Variants in CTNNA3 observed in about 807,000 individuals in gnomAD.
The protein encoded by CTNNA3 is catenin alpha 3, also known as catenin alpha-3.
CTNNA3 carries 76 observed loss-of-function variants against 95.7 expected under a neutral mutation model. That is an observed-to-expected ratio of 0.79 (90% CI 0.66 to 0.96). CTNNA3 has a LOEUF of 0.96. Ranked by LOEUF, CTNNA3 falls within the 40% of genes least tolerant of loss-of-function variation. CTNNA3 has a pLI of 0.00. For missense variants in CTNNA3, 1,191 were observed against 1,089.8 expected (o/e 1.09, Z -1.31); for synonymous variants, 431 against 374.4 (o/e 1.15, Z -1.74).
At chr10:66,959,599 T>C (rs1216133959) in intron 7 of CTNNA3, among the ~76,000 whole-genome samples, 1 of 152,112 alleles carries the variant, frequency 6.6e-6, no homozygotes, top group South Asian at 2.1e-4. Context: ...CTGGTGAAAG[T>C]AGATGATTTC....
chr10:65,923,939 A>G (rs2077127061), intron 17 of CTNNA3, among the ~76,000 whole-genome samples: 1 of 152,134 alleles, frequency 6.6e-6, no homozygotes, highest in Non-Finnish European at 1.5e-5. Flanking sequence ...TGAAGGAGAT[A>G]CTCTAGGCCA....
chr10:66,267,162 G>A (rs764989615), intron 13 of CTNNA3, among the ~76,000 whole-genome samples: 5 of 151,924 alleles, frequency 3.3e-5, no homozygotes, highest in Admixed American at 6.6e-5. Flanking sequence ...TAGTAATTCC[G>A]TTCCTCTCGC....
chr10:67,712,615 G>A (rs1841118299), intron 1 of CTNNA3, among the ~76,000 whole-genome samples: 1 of 152,230 alleles, frequency 6.6e-6, no homozygotes, highest in Non-Finnish European at 1.5e-5. Context: ...CTTCCACATG[G>A]TGTTGAGCCT....
chr10:66,736,553 C>T (rs1487409640), intron 9 of CTNNA3, among the ~76,000 whole-genome samples: 1 of 151,934 alleles, frequency 6.6e-6, no homozygotes, highest in African/African-American at 2.4e-5. Context: ...TCTTTATGCT[C>T]CATCTTACCT....
chr10:67,151,165 G>T (rs959190474), intron 7 of CTNNA3, among the ~76,000 whole-genome samples: 2 of 151,964 alleles, frequency 1.3e-5, no homozygotes, highest in African/African-American at 4.8e-5. Flanking sequence ...TATAAGGTGA[G>T]AAGAAAGGCC....
intron 5 of CTNNA3, among the ~76,000 whole-genome samples, chr10:67,241,950 C>T (rs1865729284): frequency 6.6e-6 from 1 of 152,124 alleles, no homozygotes; most frequent in South Asian, 2.1e-4. Context: ...GAATAGGATC[C>T]AAGACTGGCT....
chr10:66,770,743 A>T (rs2132804833), intron 8 of CTNNA3, among the ~76,000 whole-genome samples: 1 of 152,204 alleles, frequency 6.6e-6, no homozygotes, highest in South Asian at 2.1e-4. Context: ...TGGGAAGGGG[A>T]ATGGAAAGGG....
intron 7 of CTNNA3, among the ~76,000 whole-genome samples, chr10:67,079,524 T>C (rs1187825008): frequency 2.0e-5 from 3 of 152,194 alleles, no homozygotes; most frequent in South Asian, 2.1e-4. Context: ...ATTAAGCATC[T>C]GTGTTATAAT....
chr10:67,305,272 C>T (rs959329572), intron 5 of CTNNA3, among the ~76,000 whole-genome samples: 1 of 150,660 alleles, frequency 6.6e-6, no homozygotes, highest in East Asian at 2.0e-4. Flanking sequence ...CGAGACTCCA[C>T]GTTAGTGGGT....
intron 7 of CTNNA3, among the ~76,000 whole-genome samples, chr10:66,871,672 C>A (rs112374177): frequency 1.1e-4 from 17 of 149,964 alleles, no homozygotes; most frequent in Non-Finnish European, 2.2e-4. Context: ...GACAAACTTA[C>A]AAAATGAAGT....
intron 7 of CTNNA3, among the ~76,000 whole-genome samples, chr10:66,968,684 T>C (rs531210361): frequency 1.1e-4 from 17 of 152,180 alleles, no homozygotes; most frequent in African/African-American, 3.6e-4. Context: ...CAGCACCATA[T>C]TGAGTCTTAA....
intron 7 of CTNNA3, among the ~76,000 whole-genome samples, chr10:67,019,666 A>G (rs1224900857): frequency 6.6e-6 from 1 of 152,232 alleles, no homozygotes; most frequent in Admixed American, 6.5e-5. Context: ...TGGGGCTCAA[A>G]GTCAGGACTC....
intron 13 of CTNNA3, among the ~76,000 whole-genome samples, chr10:66,195,796 T>A (rs767029730): frequency 6.6e-6 from 1 of 152,218 alleles, no homozygotes; most frequent in Non-Finnish European, 1.5e-5. Context: ...TCTATTTTTA[T>A]GGTAAGAGGA....
intron 7 of CTNNA3, among the ~76,000 whole-genome samples, chr10:66,815,732 A>G (rs530219055): frequency 1.3e-5 from 2 of 152,298 alleles, no homozygotes; most frequent in South Asian, 2.1e-4. Context: ...TAATTTAAAA[A>G]CTGCCACATA....
At chr10:67,625,388 T>A (rs1245361300) in intron 2 of CTNNA3, among the ~76,000 whole-genome samples, 1 of 152,138 alleles carries the variant, frequency 6.6e-6, no homozygotes, top group African/African-American at 2.4e-5. Context: ...TTTGCTATAT[T>A]AGACTTTTTC....
At chr10:67,000,353 C>A (rs2132981186) in intron 7 of CTNNA3, among the ~76,000 whole-genome samples, 2 of 152,242 alleles carry the variant, frequency 1.3e-5, no homozygotes, top group Middle Eastern at 3.4e-3. Context: ...GACAAGACAG[C>A]TGATGACGAA....
chr10:67,588,784 G>C (rs1278306705), intron 3 of CTNNA3, among the ~76,000 whole-genome samples: 2 of 151,760 alleles, frequency 1.3e-5, no homozygotes, highest in African/African-American at 4.8e-5. Flanking sequence ...ATCTAAAAAT[G>C]TGTTAGATTT....
chr10:67,169,643 A>T (rs1861928876), intron 7 of CTNNA3, among the ~76,000 whole-genome samples: 1 of 152,236 alleles, frequency 6.6e-6, no homozygotes, highest in Non-Finnish European at 1.5e-5. Flanking sequence ...GATGAATTAA[A>T]GACTTAAATG....
rs533955681 is a variant in CTNNA3 at position 66,948,783 on chromosome 10, TA to T, written c.1048-173260del. Among the ~76,000 whole-genome samples, 11 of 152,008 alleles carry T rather than the reference TA, an allele frequency of 7.2e-5. No individual in the cohort carries two copies. In the South Asian group the frequency reaches 2.1e-3, roughly 29 times the overall value. Reference sequence around the variant, plus strand: ...TTCCTATGATCCTATTAAAATGAAGTAAAAAAAATCCCAGAAACTCAATGTG... The same window carrying T: ...TTCCTATGATCCTATTAAAATGAAGTAAAAAAATCCCAGAAACTCAATGTG... On this transcript the variant is annotated intron_variant, in intron 7 of 17. Transcript: ENST00000433211.
Sources: allele counts gnomAD v4.1 joint callset (sites outside exome capture counted in the v4.1 genomes callset), GRCh38; gene constraint gnomAD v4.1.1; transcripts MANE v1.5; gene names NCBI Gene and HGNC (gene_info 2026-07-23, HGNC 2026-07-21).